NDUFS1: variants seen among roughly 807,000 people sequenced by gnomAD.
NDUFS1 encodes NADH:ubiquinone oxidoreductase core subunit S1, also known as NADH-ubiquinone oxidoreductase 75 kDa subunit, mitochondrial.
Under a neutral mutation model 84.4 loss-of-function variants are expected in NDUFS1, and 61 were observed. That is an observed-to-expected ratio of 0.72 (90% confidence interval 0.59 to 0.89). The LOEUF is 0.89. Ranked by LOEUF, NDUFS1 falls within the 40% of genes least tolerant of loss-of-function variation. NDUFS1 has a pLI of 0.00. For synonymous variants in NDUFS1, 275 were observed against 290.0 expected (o/e 0.95, Z 0.53); for missense variants, 891 against 890.0 (o/e 1.00, Z -0.01).
chr2:206,124,589 C>T (rs530481098), intron 18 of NDUFS1, among the ~76,000 whole-genome samples: 83 of 152,218 alleles, frequency 5.5e-4, no homozygotes, highest in Non-Finnish European at 9.6e-4. Context: ...CCTGTAATCC[C>T]AGCACTTTGG....
rs1454540375 is a variant in NDUFS1 at position 206,116,472 on chromosome 2, C to T, written c.*7713G>A. 2.0e-5 allele frequency: 23 copies of T among 1,178,242 alleles called. No homozygotes were observed. The highest frequency in any genetic ancestry group is 7.7e-5 in the East Asian group (3 of 39,184). The allele number at this position is 1,178,242 out of a possible 1,614,324, so 73.0% of individuals were successfully genotyped here. On this transcript the variant is annotated 3_prime_UTR_variant, in exon 19 of 19. Coordinates refer to ENST00000233190, the MANE Select transcript of NDUFS1 (RefSeq NM_005006.7). ...CACGTGCAGGCTGCAGAGCACGGCC[C>T]GCACGCTCCGCACCACTCGCAGCGC...
At chr2:206,158,921 G>A (rs545669414) in intron 1 of NDUFS1, among the ~76,000 whole-genome samples, 2 of 152,338 alleles carry the variant, frequency 1.3e-5, no homozygotes, top group East Asian at 1.9e-4. Flanking sequence ...TAACACAACA[G>A]CGACCAAACA....
Position 206,141,942 on chromosome 2 carries a change from T to C in NDUFS1, c.1261A>G (p.Ser421Gly). ...APLFNARIRK[S>G]WLHNDLKVAL... ...CCTTGAATAAATACTATTACCAACC[T>C]CTTTCGAATTCTAGCATTAAACAGT... Residue 421 changes from serine (S) to glycine (G), a missense_variant and splice_region_variant, in exon 12 of 19, where the codon AGC becomes GGC. Coordinates refer to ENST00000233190, the MANE Select transcript of NDUFS1 (RefSeq NM_005006.7). 1 of 1,610,872 alleles carries C rather than the reference T, an allele frequency of 6.2e-7. No individual in the cohort carries two copies. Among genetic ancestry groups the C allele is most frequent in the Non-Finnish European group, 8.5e-7 (1 of 1,177,312 alleles).
Position 206,149,907 on chromosome 2 carries a change from T to C in NDUFS1, c.172A>G (p.Met58Val), listed in dbSNP as rs753657201. 4 of 1,448,354 alleles carry C rather than the reference T, an allele frequency of 2.8e-6. No homozygotes were observed. Among genetic ancestry groups the C allele is most frequent in the Non-Finnish European group, 3.8e-6 (4 of 1,050,892 alleles). 89.7% of individuals were successfully genotyped at this position (1,448,354 alleles called of 1,614,324 possible). Reference protein sequence around the residue: ...TVLQACEKVGMQIPRFCYHER... With the variant: ...TVLQACEKVGVQIPRFCYHER... Reference sequence around the variant, plus strand: ...TGATAACAGAATCGAGGGATCTGCATGCCAACCTTCTCACAAGCCTAGAAG... The same window carrying C: ...TGATAACAGAATCGAGGGATCTGCACGCCAACCTTCTCACAAGCCTAGAAG... Residue 58 changes from methionine (M) to valine (V), a missense_variant, in exon 4 of 19, where the codon ATG (methionine) becomes GTG (valine). Transcript: ENST00000233190.
At chr2:206,140,939 T>TACACACAC (rs1409794419) in intron 12 of NDUFS1, among the ~76,000 whole-genome samples, 1 of 58,530 alleles carries the variant, frequency 1.7e-5, no homozygotes, top group African/African-American at 1.1e-4. Context: ...TATATATATA[T>TACACACAC]ATATACACAC....
chr2:206,138,592 C>T lies in NDUFS1; in HGVS notation c.1285G>A (p.Val429Met), dbSNP rs200397416. The T allele has an allele frequency of 1.7e-5, 28 of 1,614,000 alleles. No individual in the cohort carries two copies. The East Asian group carries it at 2.5e-4, about 14-fold the overall frequency. Reference protein sequence around the residue: ...RKSWLHNDLKVALIGSPVDLT... With the variant: ...RKSWLHNDLKMALIGSPVDLT... Reference sequence around the variant, plus strand: ...TCCACTGGACTGCCTATAAGGGCCACTTTTAAGTCATTATGCAGCCAGCTG... The same window carrying T: ...TCCACTGGACTGCCTATAAGGGCCATTTTTAAGTCATTATGCAGCCAGCTG... The change falls in exon 13 of 19, where the codon GTG (valine) becomes ATG (methionine). Residue 429 changes from valine (V) to methionine (M), a missense_variant. Physicochemically the swap from Val to Met is conservative, Grantham distance 21. Transcript: ENST00000233190.
chr2:206,126,922 T>C, intron 16 of NDUFS1, 78 bp from the exon 17 acceptor site: 5 of 1,557,282 alleles, frequency 3.2e-6, no homozygotes, highest in Admixed American at 3.3e-5. Flanking sequence ...ATTGTAACTA[T>C]GGTGAAATAA....
intron 12 of NDUFS1, among the ~76,000 whole-genome samples, chr2:206,139,281 G>A (rs1319759593): frequency 2.0e-5 from 3 of 151,996 alleles, no homozygotes; most frequent in African/African-American, 7.2e-5. Flanking sequence ...CACCTCCCGG[G>A]TTCCAGCAAT....
chr2:206,151,283 C>T (rs547184285), intron 3 of NDUFS1, among the ~76,000 whole-genome samples: 2 of 152,262 alleles, frequency 1.3e-5, no homozygotes, highest in Admixed American at 1.3e-4. Context: ...TTCCTGTGAT[C>T]TCATCTTCTA....
At chr2:206,153,100 T>A (rs1249265952) in intron 2 of NDUFS1, among the ~76,000 whole-genome samples, 5 of 151,652 alleles carry the variant, frequency 3.3e-5, no homozygotes, top group Admixed American at 3.3e-4. Flanking sequence ...TTGATGTGTG[T>A]AGTTCCTAAT....
intron 4 of NDUFS1, 35 bp downstream of exon 4, chr2:206,149,783 C>T: frequency 6.7e-7 from 1 of 1,492,242 alleles, no homozygotes; most frequent in Non-Finnish European, 9.4e-7. Flanking sequence ...TTTCTACCTT[C>T]TACAGCATGG....
chr2:206,147,985 T>C (rs1692225325), intron 5 of NDUFS1, 151 bp from the exon 6 acceptor site: 1 of 743,170 alleles, frequency 1.3e-6, no homozygotes, highest in South Asian at 1.5e-5. Flanking sequence ...TGGCACAATC[T>C]TGGCTCACTG....
intron 15 of NDUFS1, among the ~76,000 whole-genome samples, chr2:206,128,657 G>A (rs764975850): frequency 4.0e-5 from 6 of 151,786 alleles, no homozygotes; most frequent in Admixed American, 3.9e-4. Flanking sequence ...GTGTGTGCCT[G>A]TAATCCCAGC....
In NDUFS1 at chr2:206,115,873, G is replaced by A. The variant is rs1690930336; in HGVS notation, c.*8312C>T. 13 of 530,294 alleles carry A rather than the reference G, an allele frequency of 2.5e-5. No homozygotes were observed. Among genetic ancestry groups the A allele is most frequent in the Middle Eastern group, 5.3e-4 (1 of 1,886 alleles). 32.8% of individuals were successfully genotyped at this position (530,294 alleles called of 1,614,324 possible). A position where few individuals can be genotyped will look rare whatever the true frequency, so the allele number is the denominator to read the frequency against. The stretch of plus-strand genomic sequence containing the variant: ...TGGATAATTTCATGGATAATTTCAT[G>A]AATACTAGAGCCTAGTCTAAAAATC... On this transcript the variant is annotated 3_prime_UTR_variant, in exon 19 of 19. Transcript: ENST00000233190.
rs575725419 is a variant in NDUFS1 at position 206,147,622 on chromosome 2, A to G, written c.460T>C (p.Leu154=). The G allele has an allele frequency of 6.0e-5, 97 of 1,614,148 alleles. No homozygotes were observed. In the South Asian group the frequency reaches 1.0e-3, roughly 17 times the overall value. Residue 154 remains leucine, a synonymous_variant, in exon 7 of 19, where the codon TTA becomes CTA. Transcript: ENST00000233190. ...MMFGNDRSRF[L]EGKRAVEDKN... ...TCTTCCACAGCACGCTTCCCCTCTA[A>G]AAATCGGCTCCTATCATTTCCAAAC...
chr2:206,133,532 A>C (rs1396703093), intron 13 of NDUFS1, among the ~76,000 whole-genome samples: 1 of 152,198 alleles, frequency 6.6e-6, no homozygotes, highest in East Asian at 1.9e-4. Flanking sequence ...AGGAGGAGGC[A>C]GGGAAAGCAA....
intron 12 of NDUFS1, 74 bp downstream of exon 12, chr2:206,141,866 AG>A: frequency 7.6e-7 from 1 of 1,321,962 alleles, no homozygotes; most frequent in South Asian, 1.2e-5. Flanking sequence ...ACTATTAGGA[AG>A]ATGCCATTTT....
chr2:206,145,257 T>C (rs1479323947), intron 8 of NDUFS1, among the ~76,000 whole-genome samples: 1 of 152,122 alleles, frequency 6.6e-6, no homozygotes, highest in Non-Finnish European at 1.5e-5. Flanking sequence ...CACTGCAGCC[T>C]AGAACTCCTG....
chr2:206,147,753 C>G lies in NDUFS1; in HGVS notation c.420G>C (p.Gln140His). ...AGATTGACAGAATTCTACTACATAC[C>G]TGCAGATCACATTCACCTCCCTGGT... The part of the protein sequence containing the change: ...ICDQGGECDL[Q>H]DQSMMFGNDR... Residue 140 changes from glutamine (Q) to histidine (H), a missense_variant and splice_region_variant, in exon 6 of 19, where the codon CAG (glutamine) becomes CAC (histidine). Coordinates refer to ENST00000233190, the MANE Select transcript of NDUFS1 (RefSeq NM_005006.7). 1 of 1,614,038 alleles carries G rather than the reference C, an allele frequency of 6.2e-7. No homozygotes were observed. The highest frequency in any genetic ancestry group is 8.5e-7 in the Non-Finnish European group (1 of 1,179,932).
Sources: gnomAD v4.1 joint callset for allele counts (sites outside exome capture counted in the v4.1 genomes callset) on GRCh38, gnomAD v4.1.1 for gene constraint, MANE v1.5 for transcripts, NCBI Gene and HGNC (gene_info 2026-07-23, HGNC 2026-07-21) for gene names.